XAB2: variants seen among roughly 807,000 people sequenced by gnomAD.
The protein encoded by XAB2 is pre-mRNA-splicing factor SYF1.
Under a neutral mutation model 113.4 loss-of-function variants are expected in XAB2, and 57 were observed. That is an observed-to-expected ratio of 0.50 (90% CI 0.41 to 0.63). The LOEUF (loss-of-function observed/expected upper bound fraction) is 0.63, where lower values mean the gene tolerates loss of function less well. Ranked by LOEUF, XAB2 falls within the 20% of genes least tolerant of loss-of-function variation. The pLI is 0.00. For missense variants in XAB2, 1,037 were observed against 1,233.3 expected, an observed-to-expected ratio of 0.84 and a Z score of 2.38; for synonymous variants, 497 against 498.8, an observed-to-expected ratio of 1.00 and a Z score of 0.05.
At position 7,622,442 on chromosome 19, in the gene XAB2, G is replaced by A; in HGVS notation, c.1506C>T (p.Ser502=). Residue 502 remains serine (S), a splice_region_variant and synonymous_variant, in exon 12 of 19, where the codon TCC becomes TCT. Transcript: ENST00000358368. ...GGATGCGGTCGTACACGGCCTTGGT[G>A]GACTGCAGGGGTGGGGATGGGAAAG... ...DLEESLGTFQ[S]TKAVYDRILD... 1 of 1,614,164 alleles carries A rather than the reference G, an allele frequency of 6.2e-7. No individual in the cohort carries two copies. Among genetic ancestry groups the A allele is most frequent in the Non-Finnish European group, 8.5e-7 (1 of 1,180,036 alleles).
rs2030980387 is a variant in XAB2, at chr19:7,619,571, TG to T, written c.*14del. 7 of 377,244 alleles carry T rather than the reference TG, an allele frequency of 1.9e-5. No homozygotes were observed. The highest frequency in any genetic ancestry group is 2.7e-5 in the Non-Finnish European group (7 of 262,662). 23.4% of individuals were successfully genotyped at this position (377,244 alleles called of 1,614,324 possible). Reference sequence around the variant, plus strand: ...TTGGGGAGGGGGTGGGGAGGGGGGATGGGGGAGGGACGGGTCAGTCTTCCTT... The same window carrying T: ...TTGGGGAGGGGGTGGGGAGGGGGGATGGGGAGGGACGGGTCAGTCTTCCTT... On this transcript the variant is annotated 3_prime_UTR_variant, in exon 19 of 19. Coordinates refer to ENST00000358368, the MANE Select transcript of XAB2 (RefSeq NM_020196.3).
At chr19:7,621,112 C>T (rs757834618) in intron 13 of XAB2, 23 bp downstream of exon 13, 1 of 1,561,350 alleles carries the variant, frequency 6.4e-7, no homozygotes, top group Non-Finnish European at 8.7e-7. Context: ...CGCCACCCCC[C>T]CCATGCCCTC....
chr19:7,627,498 A>AGACAC lies in XAB2; in HGVS notation c.325-63_325-59dup. ...GCCACGGACTCCATGGCCTGGCCAC[A>AGACAC]GACACTCGATGTCCTGTGGCTGAGC... is the stretch of plus-strand genomic sequence containing the variant. On this transcript the variant is annotated intron_variant, in intron 3 of 18. Coordinates refer to ENST00000358368, the MANE Select transcript of XAB2 (RefSeq NM_020196.3). This position sits in a 1 kb window ranked among gnomAD's most constrained non-coding sequence, Gnocchi z 4.5. The AGACAC allele has an allele frequency of 4.5e-6, 7 of 1,569,136 alleles. No homozygotes were observed. Among genetic ancestry groups the AGACAC allele is most frequent in the Non-Finnish European group, 6.1e-6 (7 of 1,156,012 alleles).
rs2031112203 is a variant in XAB2 at position 7,625,137 on chromosome 19, C to A, written c.823-692G>T. 6.6e-6 allele frequency among the ~76,000 whole-genome samples: 1 copy of A among 152,238 alleles called. No homozygotes were observed. The highest frequency in any genetic ancestry group is 2.4e-5 in the African/African-American group (1 of 41,456). On this transcript the variant is annotated intron_variant, in intron 6 of 18. Transcript: ENST00000358368. This position sits in a 1 kb window ranked among gnomAD's most constrained non-coding sequence, Gnocchi z 5.2. ...CTCTCGGCTCTGGCCCCCTCTGCAC[C>A]CACCTGCCCCCAGGCCATCCCCTGA...
At position 7,622,649 on chromosome 19, in the gene XAB2, G is replaced by A; in HGVS notation, c.1384C>T (p.Leu462=). Residue 462 remains leucine, a synonymous_variant, in exon 11 of 19, where the codon CTG becomes TTG. Transcript: ENST00000358368. Reference sequence around the variant, plus strand: ...AAGTACTCGGCCCGGCGGGCAGGCAGCGCCGTGGCCTTCTGCAGGGGCAGA... The same window carrying A: ...AAGTACTCGGCCCGGCGGGCAGGCAACGCCGTGGCCTTCTGCAGGGGCAGA... ...ALRLLRKATA[L]PARRAEYFDG... 1 of 1,611,440 alleles carries A rather than the reference G, an allele frequency of 6.2e-7. No individual in the cohort carries two copies. The highest frequency in any genetic ancestry group is 8.5e-7 in the Non-Finnish European group (1 of 1,179,940).
rs201040075 is a variant in XAB2, at chr19:7,627,325, C to A, written c.440G>T (p.Arg147Leu). Residue 147 changes from arginine (R) to leucine (L), a missense_variant, in exon 4 of 19, where the codon CGA becomes CTA. Coordinates refer to ENST00000358368, the MANE Select transcript of XAB2 (RefSeq NM_020196.3). The surrounding 1 kb of genome is among the most constrained non-coding windows in gnomAD (Gnocchi z 4.5). ...GAAGCGCAGATACAGGGGCCAAATT[C>A]GAGAGTGCTGCGTGATGGGCAGTGC... is the stretch of plus-strand genomic sequence containing the variant. ...LRALPITQHS[R>L]IWPLYLRFLR... 4 of 1,613,684 alleles carry A rather than the reference C, an allele frequency of 2.5e-6. No individual in the cohort carries two copies. The highest frequency in any genetic ancestry group is 2.5e-6 in the Non-Finnish European group (3 of 1,180,018).
chr19:7,622,038 TAAG>T lies in XAB2; in HGVS notation c.1617+290_1617+292del, dbSNP rs568188363. The T allele has an allele frequency of 3.3e-4, 115 of 345,894 alleles. 2 individuals are homozygous for T. Among genetic ancestry groups the T allele is most frequent in the South Asian group, 3.2e-3 (100 of 30,944 alleles). The allele number at this position is 345,894 out of a possible 1,614,324, so 21.4% of individuals were successfully genotyped here. A position where few individuals can be genotyped will look rare whatever the true frequency, so the allele number is the denominator to read the frequency against. On this transcript the variant is annotated intron_variant, in intron 12 of 18. Coordinates refer to ENST00000358368, the MANE Select transcript of XAB2 (RefSeq NM_020196.3). Reference sequence around the variant, plus strand: ...AATCCATTATGACTGATGTCCTTTATAAGAAGAGGAAATTTCAAAAGTGACACA... The same window carrying T: ...AATCCATTATGACTGATGTCCTTTATAAGAGGAAATTTCAAAAGTGACACA...
intron 17 of XAB2, 26 bp from the exon 18 acceptor site, chr19:7,619,882 T>C (rs1449251550): frequency 1.2e-6 from 2 of 1,610,338 alleles, no homozygotes; most frequent in African/African-American, 1.3e-5. Flanking sequence ...GCTGCCTCAG[T>C]TCCCCACCCC....
Position 7,624,508 on chromosome 19 carries a change from CTT to C in XAB2, c.823-65_823-64del. 1 of 1,607,674 alleles carries C rather than the reference CTT, an allele frequency of 6.2e-7. No individual in the cohort carries two copies. Among genetic ancestry groups the C allele is most frequent in the Non-Finnish European group, 8.5e-7 (1 of 1,178,674 alleles). On this transcript the variant is annotated intron_variant, in intron 6 of 18. Coordinates refer to ENST00000358368, the MANE Select transcript of XAB2 (RefSeq NM_020196.3). The surrounding 1 kb of genome is among the most constrained non-coding windows in gnomAD (Gnocchi z 4.2). Reference sequence around the variant, plus strand: ...GGCGCAGGGGACAGGCAGCAGCACTCTTAGCACCAGCCTCAATGTGGAACCCC... The same window carrying C: ...GGCGCAGGGGACAGGCAGCAGCACTCAGCACCAGCCTCAATGTGGAACCCC...
chr19:7,620,914 AGATGTT>A lies in XAB2; in HGVS notation c.1897_1902del (p.Asn633_Ile634del). The A allele has an allele frequency of 6.2e-7, 1 of 1,603,864 alleles. No homozygotes were observed. The highest frequency in any genetic ancestry group is 8.5e-7 in the Non-Finnish European group (1 of 1,176,688). Reference sequence around the variant, plus strand: ...TAGATCTCGGCCGCCCGCTTGATGTAGATGTTGAACATGTCATACTGCTGGGCGGGC... The same window carrying A: ...TAGATCTCGGCCGCCCGCTTGATGTAGAACATGTCATACTGCTGGGCGGGC... On this transcript the variant is annotated inframe_deletion, in exon 14 of 19. Transcript: ENST00000358368.
Position 7,621,277 on chromosome 19 carries a change from C to T in XAB2, c.1638G>A (p.Ser546=), listed in dbSNP as rs752103964. The change falls in exon 13 of 19, where the codon TCG becomes TCA. Residue 546 remains serine (S), a synonymous_variant. Coordinates refer to ENST00000358368, the MANE Select transcript of XAB2 (RefSeq NM_020196.3). ...ESFKAYERGI[S]LFKWPNVSDI... ...CGGACACGTTGGGCCACTTGAACAG[C>T]GAGATGCCGCGCTCGTACGCCTGTT... is the stretch of plus-strand genomic sequence containing the variant. 1.3e-5 allele frequency: 21 copies of T among 1,612,818 alleles called. No homozygotes were observed. Among genetic ancestry groups the T allele is most frequent in the South Asian group, 9.9e-5 (9 of 91,092 alleles).
Position 7,629,503 on chromosome 19 carries a change from G to C in XAB2, c.25C>G (p.Arg9Gly). The C allele has an allele frequency of 1.2e-6, 2 of 1,604,676 alleles. No individual in the cohort carries two copies. The highest frequency in any genetic ancestry group is 1.1e-5 in the South Asian group (1 of 89,338). ...AAGACAAGGTCCGGCCGCTCGGGCCGCGAGAGTCGCGCCATCACCACCATT... is the reference window on the plus strand; with the variant it reads ...AAGACAAGGTCCGGCCGCTCGGGCCCCGAGAGTCGCGCCATCACCACCATT... MVVMARLS[R>G]PERPDLVFEE... The change falls in exon 1 of 19, where the codon CGG (arginine) becomes GGG (glycine). Residue 9 changes from arginine to glycine, a missense_variant. Transcript: ENST00000358368.
chr19:7,623,612 T>G lies in XAB2; in HGVS notation c.1119+119A>C. ...GAGAACCCCAAGAACAGGGGTGGAA[T>G]TGGACCTACTAAGCAAAGTCAGGCC... On this transcript the variant is annotated intron_variant, in intron 8 of 18. Transcript: ENST00000358368. The surrounding 1 kb of genome is among the most constrained non-coding windows in gnomAD (Gnocchi z 4.6). 7.3e-7 allele frequency: 1 copy of G among 1,377,016 alleles called. No individual in the cohort carries two copies. The highest frequency in any genetic ancestry group is 9.8e-7 in the Non-Finnish European group (1 of 1,023,480). 85.3% of individuals were successfully genotyped at this position (1,377,016 alleles called of 1,614,324 possible). A position where few individuals can be genotyped will look rare whatever the true frequency, so the allele number is the denominator to read the frequency against.
Position 7,621,129 on chromosome 19 carries a change from C to T in XAB2, c.1780+6G>A. ...CCACCCCCCCCATGCCCTCTGCCCGCCTCACTCTTGGCATATTTTGGGGGG... is the reference window on the plus strand; with the variant it reads ...CCACCCCCCCCATGCCCTCTGCCCGTCTCACTCTTGGCATATTTTGGGGGG... On this transcript the variant is annotated splice_donor_region_variant and intron_variant, in intron 13 of 18. Coordinates refer to ENST00000358368, the MANE Select transcript of XAB2 (RefSeq NM_020196.3). 6.3e-7 allele frequency: 1 copy of T among 1,592,350 alleles called. No homozygotes were observed. Among genetic ancestry groups the T allele is most frequent in the South Asian group, 1.1e-5 (1 of 88,816 alleles).
chr19:7,620,301 T>C lies in XAB2; in HGVS notation c.2240A>G (p.Lys747Arg). 6.2e-7 allele frequency: 1 copy of C among 1,613,566 alleles called. No individual in the cohort carries two copies. The highest frequency in any genetic ancestry group is 8.5e-7 in the Non-Finnish European group (1 of 1,180,002). Residue 747 changes from lysine to arginine, a missense_variant, in exon 16 of 19, where the codon AAG becomes AGG. Coordinates refer to ENST00000358368, the MANE Select transcript of XAB2 (RefSeq NM_020196.3). ...GGTGCCCGTGGCACTGCCCGAGACC[T>C]TGAGCATCTGCGAGGCCATGAAGTT... ...QVNFMASQML[K>R]VSGSATGTVS... is the part of the protein sequence containing the mutation.
At position 7,627,499 on chromosome 19, in the gene XAB2, G is replaced by A; in HGVS notation, c.325-59C>T. Reference sequence around the variant, plus strand: ...CCACGGACTCCATGGCCTGGCCACAGACACTCGATGTCCTGTGGCTGAGCC... The same window carrying A: ...CCACGGACTCCATGGCCTGGCCACAAACACTCGATGTCCTGTGGCTGAGCC... On this transcript the variant is annotated intron_variant, in intron 3 of 18. Coordinates refer to ENST00000358368, the MANE Select transcript of XAB2 (RefSeq NM_020196.3). The surrounding 1 kb of genome is among the most constrained non-coding windows in gnomAD (Gnocchi z 4.5). 1.3e-6 allele frequency: 2 copies of A among 1,566,702 alleles called. No individual in the cohort carries two copies. Among genetic ancestry groups the A allele is most frequent in the Non-Finnish European group, 1.7e-6 (2 of 1,154,188 alleles).
In XAB2 at chr19:7,628,093, A is replaced by G. The variant is rs1202793194; in HGVS notation, c.200+57T>C. 6.4e-7 allele frequency: 1 copy of G among 1,574,444 alleles called. No homozygotes were observed. The highest frequency in any genetic ancestry group is 8.6e-7 in the Non-Finnish European group (1 of 1,160,050). Reference sequence around the variant, plus strand: ...CCGGGACCCACTTGGCAGTTTTGTTATAACTGGACCAGGTGGGGTGGGGGC... The same window carrying G: ...CCGGGACCCACTTGGCAGTTTTGTTGTAACTGGACCAGGTGGGGTGGGGGC... On this transcript the variant is annotated intron_variant, in intron 2 of 18. Coordinates refer to ENST00000358368, the MANE Select transcript of XAB2 (RefSeq NM_020196.3). This position sits in a 1 kb window ranked among gnomAD's most constrained non-coding sequence, Gnocchi z 4.6.
intron 4 of XAB2, among the ~76,000 whole-genome samples, chr19:7,626,679 C>T (rs1334630914): frequency 6.6e-6 from 1 of 152,184 alleles, no homozygotes; most frequent in Non-Finnish European, 1.5e-5. Flanking sequence ...CTAGTCCAGC[C>T]TCAGTCCTGA....
chr19:7,623,970 G>C lies in XAB2; in HGVS notation c.968-88C>G, dbSNP rs1025657284. ...CGCCTCCACTCCCCACCCTCACTCCGCTCCAGCCCCCAGCCAAGTGCTCTG... is the reference window on the plus strand; with the variant it reads ...CGCCTCCACTCCCCACCCTCACTCCCCTCCAGCCCCCAGCCAAGTGCTCTG... On this transcript the variant is annotated intron_variant, in intron 7 of 18. Transcript: ENST00000358368. The surrounding 1 kb of genome is among the most constrained non-coding windows in gnomAD (Gnocchi z 4.6). 2 of 1,426,276 alleles carry C rather than the reference G, an allele frequency of 1.4e-6. No individual in the cohort carries two copies. 88.4% of individuals were successfully genotyped at this position (1,426,276 alleles called of 1,614,324 possible).
Sources: allele counts gnomAD v4.1 joint callset (sites outside exome capture counted in the v4.1 genomes callset), GRCh38; gene constraint gnomAD v4.1.1; non-coding constraint Gnocchi (gnomAD v3.1); transcripts MANE v1.5; gene names NCBI Gene and HGNC (gene_info 2026-07-23, HGNC 2026-07-21).